Variants in ERBB4 observed in about 807,000 individuals in gnomAD.
ERBB4 encodes the protein erb-b2 receptor tyrosine kinase 4.
A neutral mutation model predicts 158.0 loss-of-function variants in ERBB4; 42 were observed. The observed-to-expected ratio is 0.27, with a 90% CI of 0.21 to 0.34. The LOEUF is 0.34. ERBB4 is among the 10% of genes least tolerant of loss of function. The pLI is 1.00. For missense variants in ERBB4, 1,333 were observed against 1,624.1 expected, an observed-to-expected ratio of 0.82 and a Z score of 3.08; for synonymous variants, 583 against 558.7, an observed-to-expected ratio of 1.04 and a Z score of -0.61.
chr2:212,183,981 C>G (rs1411580308), intron 1 of ERBB4, among the ~76,000 whole-genome samples: 1 of 152,118 alleles, frequency 6.6e-6, no homozygotes, highest in Admixed American at 6.6e-5. Context: ...TAAGCATGCT[C>G]TGTTCCCATT....
intron 1 of ERBB4, among the ~76,000 whole-genome samples, chr2:212,359,231 TAA>T (rs2089588170): frequency 7.4e-6 from 1 of 135,494 alleles, no homozygotes. Flanking sequence ...ATGTGATATA[TAA>T]AAGTCAGAAA....
intron 15 of ERBB4, among the ~76,000 whole-genome samples, chr2:211,658,345 G>A (rs1403789181): frequency 6.6e-6 from 1 of 151,840 alleles, no homozygotes; most frequent in African/African-American, 2.4e-5. Flanking sequence ...TTGTTTTCTT[G>A]TGTATGGTTT....
intron 2 of ERBB4, among the ~76,000 whole-genome samples, chr2:212,017,048 T>C (rs1166434979): frequency 6.6e-6 from 1 of 152,106 alleles, no homozygotes; most frequent in Non-Finnish European, 1.5e-5. Context: ...TGCAGCGTAT[T>C]TGAAATGTGA....
intron 3 of ERBB4, among the ~76,000 whole-genome samples, chr2:211,894,586 C>G (rs1013776599): frequency 6.6e-6 from 1 of 152,062 alleles, no homozygotes; most frequent in Admixed American, 6.5e-5. Flanking sequence ...TTTCACTAAA[C>G]TCATTTCACA....
chr2:211,883,332 G>C (rs759477831), intron 3 of ERBB4, among the ~76,000 whole-genome samples: 40 of 152,104 alleles, frequency 2.6e-4, no homozygotes, highest in Non-Finnish European at 3.4e-4. Flanking sequence ...AGCATTAGGA[G>C]ATATACCTAA....
chr2:211,558,215 C>T (rs2067291003), intron 20 of ERBB4, among the ~76,000 whole-genome samples: 1 of 152,124 alleles, frequency 6.6e-6, no homozygotes, highest in East Asian at 1.9e-4. Flanking sequence ...AACAGGGAGG[C>T]CTGTATTTCT....
intron 3 of ERBB4, among the ~76,000 whole-genome samples, chr2:211,842,169 T>G (rs2077484814): frequency 6.6e-6 from 1 of 152,034 alleles, no homozygotes; most frequent in Admixed American, 6.6e-5. Flanking sequence ...TGAATTTTTT[T>G]GAATATTGTT....
intron 2 of ERBB4, among the ~76,000 whole-genome samples, chr2:212,078,986 C>T (rs916277006): frequency 5.3e-5 from 8 of 151,068 alleles, no homozygotes; most frequent in South Asian, 2.1e-4. Flanking sequence ...TACCTATCCA[C>T]GTTAGTATTT....
At chr2:211,885,994 C>G (rs996695895) in intron 3 of ERBB4, among the ~76,000 whole-genome samples, 5 of 151,970 alleles carry the variant, frequency 3.3e-5, no homozygotes, top group African/African-American at 9.7e-5. Context: ...ATTTTCTATA[C>G]GTCAAATATT....
intron 1 of ERBB4, among the ~76,000 whole-genome samples, chr2:212,484,618 A>G (rs1689881215): frequency 6.6e-6 from 1 of 152,176 alleles, no homozygotes; most frequent in Non-Finnish European, 1.5e-5. Flanking sequence ...TTTGACTAAA[A>G]CAAACAAACA....
intron 3 of ERBB4, among the ~76,000 whole-genome samples, chr2:211,870,198 G>T (rs181041246): frequency 2.5e-3 from 381 of 152,078 alleles, no homozygotes; most frequent in African/African-American, 8.6e-3. Flanking sequence ...ACTCAATATA[G>T]ATTATTTTAA....
At chr2:211,962,411 T>G (rs768622132) in intron 2 of ERBB4, among the ~76,000 whole-genome samples, 1 of 152,166 alleles carries the variant, frequency 6.6e-6, no homozygotes, top group Non-Finnish European at 1.5e-5. Context: ...AATGTCAAAG[T>G]GTCTTGAGAG....
intron 7 of ERBB4, among the ~76,000 whole-genome samples, chr2:211,722,187 A>G (rs1037008698): frequency 8.5e-5 from 13 of 152,104 alleles, no homozygotes; most frequent in Non-Finnish European, 1.8e-4. Context: ...AACCTCAAAC[A>G]TGTCATCCTT....
intron 3 of ERBB4, among the ~76,000 whole-genome samples, chr2:211,818,230 A>T (rs913930190): frequency 6.6e-6 from 1 of 152,098 alleles, no homozygotes; most frequent in Non-Finnish European, 1.5e-5. Context: ...AAGTATTAGG[A>T]AAAAAATATC....
chr2:212,186,142 C>T (rs868685398), intron 1 of ERBB4, among the ~76,000 whole-genome samples: 13 of 152,042 alleles, frequency 8.6e-5, no homozygotes, highest in South Asian at 8.3e-4. Flanking sequence ...AATTACGTTT[C>T]GACTAAATGA....
intron 1 of ERBB4, among the ~76,000 whole-genome samples, chr2:212,449,516 A>G (rs1307692871): frequency 1.3e-5 from 2 of 152,156 alleles, no homozygotes; most frequent in African/African-American, 4.8e-5. Flanking sequence ...GCTTTCCCCA[A>G]TAAGATGATA....
At position 211,619,165 on chromosome 2, in the gene ERBB4, G is replaced by A. The variant is rs2125846873; in HGVS notation, c.2301+12C>T. On this transcript the variant is annotated intron_variant, in intron 19 of 27. Coordinates refer to ENST00000342788, the MANE Select transcript of ERBB4 (RefSeq NM_005235.3). ...TGGAGAAAAATGTGATTGCCTGGGTGTCTGTACTTACATCCATGAACTCCA... is the reference window on the plus strand; with the variant it reads ...TGGAGAAAAATGTGATTGCCTGGGTATCTGTACTTACATCCATGAACTCCA... 6.7e-7 allele frequency: 1 copy of A among 1,492,428 alleles called. No homozygotes were observed. The highest frequency in any genetic ancestry group is 1.1e-5 in the South Asian group (1 of 88,612). The allele number at this position is 1,492,428 out of a possible 1,614,324, so 92.4% of individuals were successfully genotyped here.
At chr2:211,948,958 CTT>C (rs1559166494) in intron 2 of ERBB4, among the ~76,000 whole-genome samples, 1 of 150,318 alleles carries the variant, frequency 6.7e-6, no homozygotes, top group South Asian at 2.1e-4. Context: ...TGGCTGAACT[CTT>C]TTCTTCCTCC....
intron 1 of ERBB4, among the ~76,000 whole-genome samples, chr2:212,331,071 T>TATACAC (rs147932949): frequency 8.3e-6 from 1 of 120,024 alleles, no homozygotes; most frequent in African/African-American, 2.8e-5. Context: ...TATATATATA[T>TATACAC]ACACATATAT....
Sources: allele counts gnomAD v4.1 joint callset (sites outside exome capture counted in the v4.1 genomes callset), GRCh38; gene constraint gnomAD v4.1.1; transcripts MANE v1.5; gene names NCBI Gene and HGNC (gene_info 2026-07-23, HGNC 2026-07-21).